The following ZNF34 variants were observed in gnomAD, a reference collection of about 807,000 sequenced individuals.
The protein encoded by ZNF34 is zinc finger protein 34 (KOX 32).
Under a neutral mutation model 14.4 loss-of-function variants are expected in ZNF34, and 8 were observed. The ratio of observed to expected loss-of-function variants is 0.55; its 90% CI spans 0.33 to 1.00. ZNF34 has a LOEUF of 1.00. ZNF34 is among the 50% of genes least tolerant of loss of function. The probability of loss-of-function intolerance (pLI) is 0.03; values close to 1 mark genes in which losing one functional copy is unlikely to be tolerated. For missense variants in ZNF34, 538 were observed against 674.2 expected (o/e 0.80, Z 2.24); for synonymous variants, 235 against 247.9 (o/e 0.95, Z 0.49).
rs1245067476 is a variant in ZNF34, at chr8:144,772,628, C to T, written c.*638G>A. Among the ~76,000 whole-genome samples, 1 of 152,214 alleles carries T rather than the reference C, an allele frequency of 6.6e-6. No homozygotes were observed. Among genetic ancestry groups the T allele is most frequent in the Non-Finnish European group, 1.5e-5 (1 of 68,044 alleles). On this transcript the variant is annotated 3_prime_UTR_variant, in exon 6 of 6. Transcript: ENST00000429371. ...AGTCTTGGCTCACTGCAACCTCCGC[C>T]TCCCAGGTTCAAGCAATGCTCCTGC...
intron 2 of ZNF34, among the ~76,000 whole-genome samples, chr8:144,778,925 T>C (rs1013800939): frequency 6.6e-6 from 1 of 152,110 alleles, no homozygotes; most frequent in Non-Finnish European, 1.5e-5. Context: ...CTAGCTTGTC[T>C]GCCATAATGT....
chr8:144,786,162 T>G (rs1826222979), intron 1 of ZNF34, among the ~76,000 whole-genome samples: 1 of 151,384 alleles, frequency 6.6e-6, no homozygotes, highest in East Asian at 2.0e-4. Context: ...TTTTTTTGTA[T>G]TTTTTAGTAG....
intron 1 of ZNF34, among the ~76,000 whole-genome samples, chr8:144,783,362 A>C (rs1435809552): frequency 6.6e-6 from 1 of 152,226 alleles, no homozygotes; most frequent in Non-Finnish European, 1.5e-5. Flanking sequence ...GCTATTCAAC[A>C]TCCTAGCCAA....
rs1242536367 is a variant in ZNF34, at chr8:144,772,603, A to G, written c.*663T>C. Among the ~76,000 whole-genome samples the G allele has an allele frequency of 6.6e-6, 1 of 152,242 alleles. No individual in the cohort carries two copies. The highest frequency in any genetic ancestry group is 1.5e-5 in the Non-Finnish European group (1 of 68,052). The stretch of plus-strand genomic sequence containing the variant: ...CACCCAGGCTGGAGTACAGTGGCAC[A>G]GTCTTGGCTCACTGCAACCTCCGCC... On this transcript the variant is annotated 3_prime_UTR_variant, in exon 6 of 6. Coordinates refer to ENST00000429371, the MANE Select transcript of ZNF34 (RefSeq NM_001286769.2).
In ZNF34 at chr8:144,778,479, G is replaced by C. The variant is rs1254136232; in HGVS notation, c.-8C>G. On this transcript the variant is annotated 5_prime_UTR_variant, in exon 3 of 6. Coordinates refer to ENST00000429371, the MANE Select transcript of ZNF34 (RefSeq NM_001286769.2). ...CAGGAACAAGGCCGCCATTGCCTGA[G>C]GGTTGGGCTTTCTGAGGGCAGTGAG... The C allele has an allele frequency of 6.3e-6, 10 of 1,593,342 alleles. No individual in the cohort carries two copies. Among genetic ancestry groups the C allele is most frequent in the East Asian group, 2.3e-5 (1 of 44,180 alleles).
chr8:144,784,215 G>A (rs1406580736), intron 1 of ZNF34, among the ~76,000 whole-genome samples: 3 of 151,222 alleles, frequency 2.0e-5, no homozygotes, highest in East Asian at 1.9e-4. Flanking sequence ...AACCAAAGGA[G>A]GCAAGGGTGT....
chr8:144,781,357 C>A (rs1825873301), intron 1 of ZNF34, among the ~76,000 whole-genome samples: 1 of 150,948 alleles, frequency 6.6e-6, no homozygotes, highest in South Asian at 2.1e-4. Context: ...CAAGCTCTGC[C>A]TCCCGGGTTC....
Position 144,773,010 on chromosome 8 carries a change from G to T in ZNF34, c.*256C>A. 2.6e-6 allele frequency: 1 copy of T among 391,590 alleles called. No individual in the cohort carries two copies. Among genetic ancestry groups the T allele is most frequent in the Non-Finnish European group, 4.5e-6 (1 of 220,068 alleles). 24.3% of individuals were successfully genotyped at this position (391,590 alleles called of 1,614,324 possible). On this transcript the variant is annotated 3_prime_UTR_variant, in exon 6 of 6. Coordinates refer to ENST00000429371, the MANE Select transcript of ZNF34 (RefSeq NM_001286769.2). This position sits in a 1 kb window ranked among gnomAD's most constrained non-coding sequence, Gnocchi z 5.4. Reference sequence around the variant, plus strand: ...TCTCCAGTATGTCTCGAAAATATTCGTAAATCAGCAGCAATGAATTTTTTT... The same window carrying T: ...TCTCCAGTATGTCTCGAAAATATTCTTAAATCAGCAGCAATGAATTTTTTT...
rs747506726 is a variant in ZNF34, at chr8:144,779,689, G to A, written c.-55+539C>T. On this transcript the variant is annotated intron_variant, in intron 2 of 5. Coordinates refer to ENST00000429371, the MANE Select transcript of ZNF34 (RefSeq NM_001286769.2). This position sits in a 1 kb window ranked among gnomAD's most constrained non-coding sequence, Gnocchi z 4.1. ...TGAGCTCAAGCAATCCTCTTGCCTC[G>A]GCCTCCCAAAGTGCTGGGATTAAAG... Among the ~76,000 whole-genome samples, 10 of 151,938 alleles carry A rather than the reference G, an allele frequency of 6.6e-5. No individual in the cohort carries two copies. The East Asian group carries it at 1.4e-3, about 21-fold the overall frequency.
intron 5 of ZNF34, among the ~76,000 whole-genome samples, chr8:144,774,856 T>C (rs930106180): frequency 6.6e-6 from 1 of 152,024 alleles, no homozygotes; most frequent in Non-Finnish European, 1.5e-5. Flanking sequence ...GGGTGGCCAC[T>C]CCCCAAGAAT....
At chr8:144,784,048 T>C (rs1250545965) in intron 1 of ZNF34, among the ~76,000 whole-genome samples, 1 of 151,702 alleles carries the variant, frequency 6.6e-6, no homozygotes, top group Admixed American at 6.6e-5. Context: ...TAGTCCCAGC[T>C]ACTCGGGAGG....
chr8:144,777,491 A>G lies in ZNF34; in HGVS notation c.247T>C (p.Ser83Pro). Residue 83 changes from serine (S) to proline (P), a missense_variant, in exon 5 of 6, where the codon TCT (serine) becomes CCT (proline). Around this residue, in one of 3 missense-constraint regions of ZNF34, gnomAD observed 431 missense variants for 525.7 expected, o/e 0.82. Coordinates refer to ENST00000429371, the MANE Select transcript of ZNF34 (RefSeq NM_001286769.2). The surrounding 1 kb of genome is among the most constrained non-coding windows in gnomAD (Gnocchi z 4.8). ...TTGACTCTCAGGTGCTCTTTCCCAG[A>G]GGTGCCCTGAACATCCAGGACCCAG... is the stretch of plus-strand genomic sequence containing the variant. ...EPWVLDVQGTSGKEHLRVNSP... is the reference protein window; with the variant it reads ...EPWVLDVQGTPGKEHLRVNSP... 6.4e-7 allele frequency: 1 copy of G among 1,552,786 alleles called. No homozygotes were observed. The highest frequency in any genetic ancestry group is 8.7e-7 in the Non-Finnish European group (1 of 1,147,622).
chr8:144,773,537 C>T lies in ZNF34; in HGVS notation c.1349G>A (p.Gly450Glu). The change falls in exon 6 of 6, where the codon GGA becomes GAA. Residue 450 changes from glycine (G) to glutamate (E), a missense_variant. Gly to Glu is a moderately conservative substitution (Grantham distance 98). Around this residue, in one of 3 missense-constraint regions of ZNF34, gnomAD observed 101 missense variants for 123.1 expected, o/e 0.82. Coordinates refer to ENST00000429371, the MANE Select transcript of ZNF34 (RefSeq NM_001286769.2). The surrounding 1 kb of genome is among the most constrained non-coding windows in gnomAD (Gnocchi z 5.4). ...CTCGCTGCACTTGTAGGGCTTCTCT[C>T]CTGTGTGGATTCTCTGGTGCTGGAT... ...HLIQHQRIHT[G>E]EKPYKCSECG... The T allele has an allele frequency of 3.1e-6, 5 of 1,614,148 alleles. No homozygotes were observed. Among genetic ancestry groups the T allele is most frequent in the South Asian group, 1.1e-5 (1 of 91,078 alleles).
In ZNF34 at chr8:144,777,190, A is replaced by G. The variant is rs1452165270; in HGVS notation, c.280+268T>C. On this transcript the variant is annotated intron_variant, in intron 5 of 5. Coordinates refer to ENST00000429371, the MANE Select transcript of ZNF34 (RefSeq NM_001286769.2). The surrounding 1 kb of genome is among the most constrained non-coding windows in gnomAD (Gnocchi z 4.8). ...CAGCACCCCTGTTCTGCACCTACTC[A>G]CTCCCCTCTACACGGGACCTTGCCT... is the stretch of plus-strand genomic sequence containing the variant. Among the ~76,000 whole-genome samples the G allele has an allele frequency of 1.3e-5, 2 of 151,404 alleles. No individual in the cohort carries two copies. The highest frequency in any genetic ancestry group is 2.9e-5 in the Non-Finnish European group (2 of 67,850).
intron 1 of ZNF34, among the ~76,000 whole-genome samples, chr8:144,786,024 A>C (rs145324126): frequency 4.1e-4 from 52 of 127,444 alleles, no homozygotes; most frequent in African/African-American, 1.4e-3. Context: ...TTGCTCCATC[A>C]CCCAGGCTGG....
At chr8:144,778,203 A>T in intron 3 of ZNF34, 39 bp from the exon 4 acceptor site, 1 of 1,591,172 alleles carries the variant, frequency 6.3e-7, no homozygotes, top group Non-Finnish European at 8.6e-7. Flanking sequence ...GGTGTGGTCC[A>T]GAGTGGGCTG....
chr8:144,775,590 C>T (rs1426311265), intron 5 of ZNF34, among the ~76,000 whole-genome samples: 4 of 152,086 alleles, frequency 2.6e-5, no homozygotes, highest in African/African-American at 9.7e-5. Context: ...CAGTGTTCAG[C>T]AAAAGATGCC....
Position 144,780,954 on chromosome 8 carries a change from G to A in ZNF34, c.-107-674C>T, listed in dbSNP as rs139636839. On this transcript the variant is annotated intron_variant, in intron 1 of 5. Transcript: ENST00000429371. ...GATCGAGACCATCCTGGCTGACGGT[G>A]AAACCCTGTCTCTACCGAAAATACA... Among the ~76,000 whole-genome samples the A allele has an allele frequency of 1.6e-3, 238 of 149,744 alleles. 2 individuals are homozygous for A. The highest frequency in any genetic ancestry group is 5.5e-3 in the African/African-American group (226 of 40,768).
chr8:144,784,902 T>TG (rs1826128294), intron 1 of ZNF34, among the ~76,000 whole-genome samples: 3 of 151,992 alleles, frequency 2.0e-5, no homozygotes, highest in African/African-American at 7.2e-5. Context: ...GTGGCCAGAT[T>TG]GCTTGAGCTC....
Sources: gnomAD v4.1 joint callset for allele counts (sites outside exome capture counted in the v4.1 genomes callset) on GRCh38, gnomAD v4.1.1 for gene constraint, gnomAD v4.1.1 regional missense constraint, Gnocchi (gnomAD v3.1) non-coding constraint, MANE v1.5 for transcripts, NCBI Gene and HGNC (gene_info 2026-07-23, HGNC 2026-07-21) for gene names.